MAP2K6: variants seen among roughly 807,000 people sequenced by gnomAD.
The protein encoded by MAP2K6 is dual specificity mitogen-activated protein kinase kinase 6.
MAP2K6 carries 16 observed loss-of-function variants against 53.7 expected under a neutral mutation model. The observed-to-expected ratio is 0.30, with a 90% CI of 0.20 to 0.45. The LOEUF (loss-of-function observed/expected upper bound fraction) is 0.45, where lower values mean the gene tolerates loss of function less well. Among genes scored for constraint, MAP2K6 ranks in the 20% least tolerant of loss-of-function variants. The pLI, the probability that MAP2K6 is intolerant of heterozygous loss-of-function variation, is 1.00. For missense variants in MAP2K6, 204 were observed against 411.9 expected (o/e 0.50, Z 4.37); for synonymous variants, 132 against 143.1 (o/e 0.92, Z 0.55).
chr17:69,536,019 G>A (rs1219625683), intron 10 of MAP2K6, 96 bp from the exon 11 acceptor site: 1 of 783,696 alleles, frequency 1.3e-6, no homozygotes, highest in East Asian at 2.5e-5. Context: ...CACTTTTAAA[G>A]CTGATTATGT....
chr17:69,505,701 T>C, intron 1 of MAP2K6, 79 bp from the exon 2 acceptor site: 1 of 1,162,416 alleles, frequency 8.6e-7, no homozygotes, highest in Non-Finnish European at 1.3e-6. Flanking sequence ...AGGTCAGCTC[T>C]TTCCTTTGCC....
intron 1 of MAP2K6, among the ~76,000 whole-genome samples, chr17:69,464,732 T>C (rs1383742265): frequency 2.0e-5 from 3 of 152,118 alleles, no homozygotes; most frequent in Non-Finnish European, 2.9e-5. Context: ...ATTTATTTAT[T>C]TGAGACAGAG....
At chr17:69,437,781 G>C (rs949646409) in intron 1 of MAP2K6, among the ~76,000 whole-genome samples, 9 of 152,114 alleles carry the variant, frequency 5.9e-5, no homozygotes, top group Non-Finnish European at 1.2e-4. Flanking sequence ...TCTACTTTCT[G>C]CCTCTTTGGA....
At chr17:69,523,246 G>C (rs1910577959) in intron 7 of MAP2K6, among the ~76,000 whole-genome samples, 2 of 152,208 alleles carry the variant, frequency 1.3e-5, no homozygotes, top group Non-Finnish European at 2.9e-5. Context: ...TGAGGGTAAT[G>C]AAGATCATAA....
intron 7 of MAP2K6, among the ~76,000 whole-genome samples, chr17:69,522,626 T>G (rs1021956439): frequency 8.5e-5 from 13 of 152,176 alleles, no homozygotes; most frequent in African/African-American, 3.1e-4. Context: ...ATTTTTCTAG[T>G]CAAAAGGATT....
intron 2 of MAP2K6, among the ~76,000 whole-genome samples, chr17:69,511,679 C>G (rs1469724247): frequency 6.6e-6 from 1 of 152,222 alleles, no homozygotes; most frequent in African/African-American, 2.4e-5. Flanking sequence ...TTGCTCCAAG[C>G]TGTTGAGCAT....
intron 3 of MAP2K6, 34 bp from the exon 4 acceptor site, chr17:69,517,466 T>A (rs1428166811): frequency 2.4e-6 from 3 of 1,239,588 alleles, no homozygotes; most frequent in Non-Finnish European, 3.5e-6. Context: ...TATTTTTCTC[T>A]TTCCCATTGC....
Position 69,431,949 on chromosome 17 carries a change from G to A in MAP2K6, c.16+16949G>A, listed in dbSNP as rs183062537. On this transcript the variant is annotated intron_variant, in intron 1 of 11. Transcript: ENST00000590474. ...GATAATGTGATGAGGAGTGGCTGCCGGATTGGCTGGATCTGAGTCAGGTGT... is the reference window on the plus strand; with the variant it reads ...GATAATGTGATGAGGAGTGGCTGCCAGATTGGCTGGATCTGAGTCAGGTGT... 2.6e-3 allele frequency among the ~76,000 whole-genome samples: 401 copies of A among 152,266 alleles called. 1 individual carries two copies. The highest frequency in any genetic ancestry group is 9.0e-3 in the African/African-American group (375 of 41,546).
At chr17:69,517,065 T>A (rs558888153) in intron 3 of MAP2K6, among the ~76,000 whole-genome samples, 162 bp downstream of exon 3, 48 of 152,158 alleles carry the variant, frequency 3.2e-4, no homozygotes, top group African/African-American at 9.6e-4. Flanking sequence ...TTTGAAAGAA[T>A]GTTGAATTGA....
rs1911981522 is a variant in MAP2K6, at chr17:69,548,844, G to A, written c.*7091G>A. 1 of 152,178 alleles carries A rather than the reference G, an allele frequency of 6.6e-6. No individual in the cohort carries two copies. Among genetic ancestry groups the A allele is most frequent in the Non-Finnish European group, 1.5e-5 (1 of 68,022 alleles). 9.4% of individuals were successfully genotyped at this position (152,178 alleles called of 1,614,324 possible). On this transcript the variant is annotated 3_prime_UTR_variant, in exon 12 of 12. Coordinates refer to ENST00000590474, the MANE Select transcript of MAP2K6 (RefSeq NM_002758.4). ...GAAGTAGTTTGAAATCAAGGCTTTA[G>A]TGGAAGGTAATCTTTTCAGTTTCTG...
At chr17:69,477,652 T>C (rs1908198125) in intron 1 of MAP2K6, 1 of 152,188 alleles carries the variant, frequency 6.6e-6, no homozygotes, top group South Asian at 2.1e-4. Flanking sequence ...ATGCAGGCTT[T>C]GAACAAGCCA....
intron 1 of MAP2K6, among the ~76,000 whole-genome samples, chr17:69,477,882 G>A (rs75030711): frequency 6.6e-6 from 1 of 152,308 alleles, no homozygotes; most frequent in African/African-American, 2.4e-5. Context: ...GGAAGGGAAG[G>A]GAAGGAGATA....
chr17:69,500,076 G>A (rs1229310875), intron 1 of MAP2K6, among the ~76,000 whole-genome samples: 1 of 152,140 alleles, frequency 6.6e-6, no homozygotes, highest in African/African-American at 2.4e-5. Flanking sequence ...GGAACAGTAT[G>A]AGCAAAGGTA....
At chr17:69,504,175 G>T (rs772027009) in intron 1 of MAP2K6, among the ~76,000 whole-genome samples, 3 of 151,968 alleles carry the variant, frequency 2.0e-5, no homozygotes, top group Non-Finnish European at 4.4e-5. Context: ...AAGTTTCTTT[G>T]CAGCTTCAGG....
chr17:69,492,601 C>T (rs1369797656), intron 1 of MAP2K6, among the ~76,000 whole-genome samples: 1 of 152,144 alleles, frequency 6.6e-6, no homozygotes, highest in Non-Finnish European at 1.5e-5. Context: ...GGAGAGGATC[C>T]ATGCCTGTGG....
At chr17:69,455,763 A>G (rs1273463860) in intron 1 of MAP2K6, among the ~76,000 whole-genome samples, 5 of 151,590 alleles carry the variant, frequency 3.3e-5, no homozygotes, top group African/African-American at 1.2e-4. Context: ...CATTTTTTGG[A>G]GCTTAAGTTC....
chr17:69,511,658 G>C (rs886981261), intron 2 of MAP2K6, among the ~76,000 whole-genome samples: 2 of 152,186 alleles, frequency 1.3e-5, no homozygotes, highest in Non-Finnish European at 2.9e-5. Flanking sequence ...ACGATGCAAC[G>C]GTCAGGTGCA....
chr17:69,458,319 C>T (rs1907493875), intron 1 of MAP2K6, among the ~76,000 whole-genome samples: 1 of 152,182 alleles, frequency 6.6e-6, no homozygotes, highest in Admixed American at 6.5e-5. Context: ...TCCCAAAGTG[C>T]TGGGATTCCA....
chr17:69,512,328 G>GTTTTTTTTTTTTTTTTTTTTTTT (rs796414361), intron 2 of MAP2K6, among the ~76,000 whole-genome samples: 6 of 75,218 alleles, frequency 8.0e-5, no homozygotes, highest in East Asian at 6.7e-4. Context: ...CTTTCTAAGT[G>GTTTTTTTTTTTTTTTTTTTTTTT]TTTTTTTTTT....
Sources: allele counts gnomAD v4.1 joint callset (sites outside exome capture counted in the v4.1 genomes callset), GRCh38; gene constraint gnomAD v4.1.1; transcripts MANE v1.5; gene names NCBI Gene and HGNC (gene_info 2026-07-23, HGNC 2026-07-21).